PRKCH: variants seen among roughly 807,000 people sequenced by gnomAD.
PRKCH encodes protein kinase C eta, also known as protein kinase C eta type.
In PRKCH, 28 loss-of-function variants were observed where a neutral mutation model predicts 82.5. The ratio of observed to expected loss-of-function variants is 0.34; its 90% CI spans 0.25 to 0.47. The LOEUF (loss-of-function observed/expected upper bound fraction) is 0.47. Among genes scored for constraint, PRKCH ranks in the 20% least tolerant of loss-of-function variants. The pLI, the probability that PRKCH is intolerant of heterozygous loss-of-function variation, is 1.00. For synonymous variants in PRKCH, 322 were observed against 327.4 expected (o/e 0.98, Z 0.18); for missense variants, 705 against 881.8 (o/e 0.80, Z 2.54).
At chr14:61,425,828 T>C (rs1883075050) in intron 2 of PRKCH, among the ~76,000 whole-genome samples, 1 of 151,760 alleles carries the variant, frequency 6.6e-6, no homozygotes, top group Non-Finnish European at 1.5e-5. Flanking sequence ...AGAGACCTGG[T>C]GGGAGGTGAT....
intron 1 of PRKCH, among the ~76,000 whole-genome samples, chr14:61,310,852 G>A (rs761130866): frequency 1.3e-5 from 2 of 152,246 alleles, no homozygotes; most frequent in Non-Finnish European, 2.9e-5. Context: ...TCTAGGTAGA[G>A]GTTCTCCAAC....
intron 10 of PRKCH, among the ~76,000 whole-genome samples, chr14:61,499,580 TTGC>T (rs1412966739): frequency 3.3e-5 from 5 of 152,140 alleles, no homozygotes. Flanking sequence ...ACGTACAGAA[TTGC>T]TGCTCTACCC....
intron 1 of PRKCH, among the ~76,000 whole-genome samples, chr14:61,202,313 G>C (rs983798554): frequency 1.3e-5 from 2 of 152,182 alleles, no homozygotes; most frequent in African/African-American, 4.8e-5. Flanking sequence ...TCCCAGGTGG[G>C]AGTTCCACTT....
chr14:61,281,044 G>T (rs2045260026), intron 1 of PRKCH: 1 of 1,528,604 alleles, frequency 6.5e-7, no homozygotes, highest in South Asian at 1.2e-5. Flanking sequence ...GAGCGGCAGC[G>T]CGATGCTGGC....
In PRKCH at chr14:61,280,966, T is replaced by A. The variant is rs1207943450; in HGVS notation, c.-19+93298T>A. On this transcript the variant is annotated intron_variant, in intron 1 of 3. Transcript: ENST00000555185. This position sits in a 1 kb window ranked among gnomAD's most constrained non-coding sequence, Gnocchi z 5.0. ...GCCTGTATAGTCGTACTCCAGCTCC[T>A]TGATGCCGTTGGAGGAGTAGTAGAG... is the stretch of plus-strand genomic sequence containing the variant. 6 of 1,542,752 alleles carry A rather than the reference T, an allele frequency of 3.9e-6. No homozygotes were observed. Among genetic ancestry groups the A allele is most frequent in the Non-Finnish European group, 5.2e-6 (6 of 1,147,260 alleles).
chr14:61,302,658 G>A (rs1014651697), intron 1 of PRKCH, among the ~76,000 whole-genome samples: 3 of 152,138 alleles, frequency 2.0e-5, no homozygotes, highest in Non-Finnish European at 4.4e-5. Flanking sequence ...GAACTATGTT[G>A]TGGGACTTCC....
At chr14:61,295,132 T>G (rs2045396379) in intron 1 of PRKCH, among the ~76,000 whole-genome samples, 3 of 152,278 alleles carry the variant, frequency 2.0e-5, no homozygotes, top group South Asian at 4.2e-4. Context: ...TCCCAAAGTG[T>G]TGTGATTACA....
intron 2 of PRKCH, among the ~76,000 whole-genome samples, chr14:61,423,626 A>G (rs1161063363): frequency 6.6e-6 from 1 of 152,158 alleles, no homozygotes; most frequent in Non-Finnish European, 1.5e-5. Context: ...TGGGCTATGA[A>G]TGGTGAGGGC....
chr14:61,427,847 GA>G (rs1236842119), intron 2 of PRKCH, among the ~76,000 whole-genome samples: 2 of 151,554 alleles, frequency 1.3e-5, no homozygotes, highest in Non-Finnish European at 2.9e-5. Context: ...CAGCCTCCTG[GA>G]GTGCTGCAAT....
At chr14:61,300,866 C>T (rs2045442915) in intron 1 of PRKCH, among the ~76,000 whole-genome samples, 2 of 152,064 alleles carry the variant, frequency 1.3e-5, no homozygotes, top group Non-Finnish European at 2.9e-5. Context: ...GAACAGAAAA[C>T]GTGGCACTGG....
chr14:61,343,397 G>GATA (rs760986677), intron 1 of PRKCH, among the ~76,000 whole-genome samples: 5 of 146,292 alleles, frequency 3.4e-5, no homozygotes, highest in Non-Finnish European at 6.0e-5. Context: ...CACTAGACTG[G>GATA]ATAGAAAAGA....
intron 1 of PRKCH, among the ~76,000 whole-genome samples, chr14:61,346,576 C>A (rs1450582595): frequency 6.6e-6 from 1 of 152,174 alleles, no homozygotes; most frequent in Non-Finnish European, 1.5e-5. Flanking sequence ...GGTTATGCAA[C>A]ACATGGGATG....
At chr14:61,352,689 G>GGAAAGGAAAGGAAAGAAA (rs1555378083) in intron 1 of PRKCH, among the ~76,000 whole-genome samples, 2 of 126,456 alleles carry the variant, frequency 1.6e-5, no homozygotes, top group East Asian at 2.3e-4. Flanking sequence ...AGAAAGGAAA[G>GGAAAGGAAAGGAAAGAAA]GAAAGAAAGA....
intron 2 of PRKCH, among the ~76,000 whole-genome samples, chr14:61,428,813 A>G (rs936755071): frequency 2.0e-5 from 3 of 152,208 alleles, no homozygotes; most frequent in African/African-American, 7.2e-5. Flanking sequence ...TTGATTCTGA[A>G]ATTCAATCAT....
At chr14:61,413,620 C>T (rs1235229882) in intron 2 of PRKCH, among the ~76,000 whole-genome samples, 7 of 152,016 alleles carry the variant, frequency 4.6e-5, no homozygotes, top group Non-Finnish European at 1.0e-4. Flanking sequence ...AACTTTGCTT[C>T]CCTTTCTTTA....
intron 1 of PRKCH, among the ~76,000 whole-genome samples, chr14:61,313,560 C>T (rs2045540424): frequency 6.6e-6 from 1 of 152,132 alleles, no homozygotes; most frequent in South Asian, 2.1e-4. Context: ...CTAGACTCAA[C>T]CACTCTGTAT....
intron 1 of PRKCH, among the ~76,000 whole-genome samples, chr14:61,275,363 C>A (rs551314694): frequency 2.0e-5 from 3 of 152,272 alleles, no homozygotes; most frequent in Middle Eastern, 6.8e-3. Flanking sequence ...TGTCAAGCAC[C>A]TTGGACTTTC....
intron 1 of PRKCH, among the ~76,000 whole-genome samples, chr14:61,225,302 A>T (rs755155921): frequency 8.5e-5 from 13 of 152,220 alleles, no homozygotes; most frequent in Non-Finnish European, 1.9e-4. Context: ...ACCTATTTCT[A>T]TGTTATCACG....
chr14:61,382,565 A>G (rs2046528577), intron 1 of PRKCH, among the ~76,000 whole-genome samples: 1 of 152,222 alleles, frequency 6.6e-6, no homozygotes, highest in South Asian at 2.1e-4. Context: ...TAAGCCAGAC[A>G]GTTTCAGGTG....
Sources: gnomAD v4.1 joint callset for allele counts (sites outside exome capture counted in the v4.1 genomes callset) on GRCh38, gnomAD v4.1.1 for gene constraint, Gnocchi (gnomAD v3.1) non-coding constraint, MANE v1.5 for transcripts, NCBI Gene and HGNC (gene_info 2026-07-23, HGNC 2026-07-21) for gene names.